Variants in ZNF738 observed in about 807,000 individuals in gnomAD.
The protein encoded by ZNF738 is protein ZNF738.
ZNF738 carries 10 observed loss-of-function variants against 9.2 expected under a neutral mutation model. The observed-to-expected ratio is 1.09, with a 90% CI of 0.67 to 1.85. ZNF738 has a LOEUF of 1.85. ZNF738 is among the 40% of genes most tolerant of loss of function. The pLI is 0.00. For missense variants in ZNF738, 346 were observed against 283.6 expected, an observed-to-expected ratio of 1.22 and a Z score of -1.58; for synonymous variants, 113 against 94.5, an observed-to-expected ratio of 1.20 and a Z score of -1.14.
chr19:21,372,442 G>A (rs1568368591), intron 2 of ZNF738: 1 of 152,086 alleles, frequency 6.6e-6, no homozygotes, highest in African/African-American at 2.4e-5. Context: ...AAGTTTTTGG[G>A]GGTAAATCCT....
intron 2 of ZNF738, among the ~76,000 whole-genome samples, chr19:21,363,237 AT>A (rs1213414781): frequency 6.6e-6 from 1 of 152,134 alleles, no homozygotes; most frequent in African/African-American, 2.4e-5. Flanking sequence ...TGTTTGAGTA[AT>A]TTTTTTGGAT....
chr19:21,383,480 G>A lies in ZNF738; in HGVS notation c.934G>A (p.Gly312Arg). ...TACTAAACATAAGACAATTCATGCT[G>A]GAGAGAAACCCTACAAATGTGAAGG... ...HLTKHKTIHA[G>R]EKPYKCEGCG... Residue 312 changes from glycine (G) to arginine (R), a missense_variant, in exon 5 of 5, where the codon GGA becomes AGA. Physicochemically the swap from Gly to Arg is moderately radical, Grantham distance 125. Transcript: ENST00000683779. 2.5e-6 allele frequency: 2 copies of A among 794,176 alleles called. No homozygotes were observed. Among genetic ancestry groups the A allele is most frequent in the Non-Finnish European group, 4.4e-6 (2 of 455,706 alleles). 49.2% of individuals were successfully genotyped at this position (794,176 alleles called of 1,614,324 possible).
rs940477950 is a variant in ZNF738, at chr19:21,383,837, A to G, written c.*163A>G. 55 of 1,316,504 alleles carry G rather than the reference A, an allele frequency of 4.2e-5. No individual in the cohort carries two copies. Among genetic ancestry groups the G allele is most frequent in the Non-Finnish European group, 5.5e-5 (50 of 916,446 alleles). 81.6% of individuals were successfully genotyped at this position (1,316,504 alleles called of 1,614,324 possible). A position where few individuals can be genotyped will look rare whatever the true frequency, so the allele number is the denominator to read the frequency against. On this transcript the variant is annotated 3_prime_UTR_variant, in exon 5 of 5. Coordinates refer to ENST00000683779, the MANE Select transcript of ZNF738 (RefSeq NM_001355237.2). The stretch of plus-strand genomic sequence containing the variant: ...CTGGAGAGAAACCCTACAAATGTGG[A>G]GAATGTGGCAAAGCTTTCTTCAGAT...
At position 21,375,265 on chromosome 19, in the gene ZNF738, A is replaced by T; in HGVS notation, c.124A>T (p.Ile42Leu). 1 of 1,155,880 alleles carries T rather than the reference A, an allele frequency of 8.7e-7. No individual in the cohort carries two copies. The highest frequency in any genetic ancestry group is 1.3e-6 in the Non-Finnish European group (1 of 763,830). 71.6% of individuals were successfully genotyped at this position (1,155,880 alleles called of 1,614,324 possible). ...KGPLTFRDVV[I>L]EFSQEEWQCL... ...GCCGTTGACATTTAGGGATGTGGTC[A>T]TAGAATTCTCTCAGGAGGAGTGGCA... The change falls in exon 3 of 5, where the codon ATA becomes TTA. Residue 42 changes from isoleucine (I) to leucine (L), a missense_variant. Coordinates refer to ENST00000683779, the MANE Select transcript of ZNF738 (RefSeq NM_001355237.2).
At chr19:21,366,072 C>T (rs1973773413) in intron 2 of ZNF738, among the ~76,000 whole-genome samples, 1 of 152,084 alleles carries the variant, frequency 6.6e-6, no homozygotes, top group Admixed American at 6.5e-5. Flanking sequence ...GCAAAAGGGT[C>T]GTTTCCAGAA....
At chr19:21,371,652 A>T (rs1973858427) in intron 2 of ZNF738, among the ~76,000 whole-genome samples, 1 of 152,200 alleles carries the variant, frequency 6.6e-6, no homozygotes. Flanking sequence ...GGTTGAATTA[A>T]GCATTATATG....
intron 2 of ZNF738, among the ~76,000 whole-genome samples, chr19:21,374,395 A>G (rs527559416): frequency 6.6e-6 from 1 of 152,336 alleles, no homozygotes; most frequent in African/African-American, 2.4e-5. Context: ...AATTCAGACT[A>G]TACTTTTTGG....
intron 4 of ZNF738, chr19:21,381,953 C>G (rs1215748794): frequency 1.8e-5 from 4 of 221,692 alleles, no homozygotes; most frequent in Non-Finnish European, 3.9e-5. Context: ...GTGCCTCAGG[C>G]CAGAGCTCGG....
intron 2 of ZNF738, among the ~76,000 whole-genome samples, chr19:21,364,972 A>G (rs1179742880): frequency 3.0e-5 from 4 of 133,006 alleles, no homozygotes; most frequent in Non-Finnish European, 1.6e-5. Context: ...GATGGCCAGG[A>G]TGGTCTCCAT....
intron 2 of ZNF738, among the ~76,000 whole-genome samples, chr19:21,364,612 A>G (rs1461851608): frequency 6.6e-6 from 1 of 152,178 alleles, no homozygotes; most frequent in Non-Finnish European, 1.5e-5. Context: ...CATTCTAGAA[A>G]AGAATTCTGG....
At chr19:21,378,701 G>A (rs764429821) in intron 4 of ZNF738, 4 of 375,666 alleles carry the variant, frequency 1.1e-5, no homozygotes, top group Middle Eastern at 5.4e-4. Flanking sequence ...CCAGGTTCAA[G>A]CAGTTCTCCT....
intron 2 of ZNF738, among the ~76,000 whole-genome samples, chr19:21,370,915 C>A (rs1973847318): frequency 6.6e-6 from 1 of 152,166 alleles, no homozygotes; most frequent in African/African-American, 2.4e-5. Context: ...AAGGCATTTT[C>A]TGTATTGTGA....
rs58485009 is a variant in ZNF738, at chr19:21,367,171, C to G, written c.96+5313C>G. Among the ~76,000 whole-genome samples the G allele has an allele frequency of 5.6e-3, 857 of 152,278 alleles. 6 individuals are homozygous for G. Among genetic ancestry groups the G allele is most frequent in the African/African-American group, 0.02 (816 of 41,558 alleles). ...GGATGAAGAATTTTATTAATCACAG[C>G]TATTTACTAGGGTTATGTATGTGTT... On this transcript the variant is annotated intron_variant, in intron 2 of 4. Transcript: ENST00000683779.
rs532714358 is a variant in ZNF738 at position 21,378,033 on chromosome 19, G to C, written c.319+2069G>C. 33 of 397,326 alleles carry C rather than the reference G, an allele frequency of 8.3e-5. No homozygotes were observed. In the South Asian group the frequency reaches 3.8e-3, roughly 46 times the overall value. 24.6% of individuals were successfully genotyped at this position (397,326 alleles called of 1,614,324 possible). ...TACAGGCATATTCTTTGTGGTACGT[G>C]GGGGATTACATAAAACCTTTAAGAG... On this transcript the variant is annotated intron_variant, in intron 4 of 4. Coordinates refer to ENST00000683779, the MANE Select transcript of ZNF738 (RefSeq NM_001355237.2).
intron 4 of ZNF738, chr19:21,379,261 T>G (rs1973977983): frequency 6.6e-6 from 1 of 152,178 alleles, no homozygotes; most frequent in Non-Finnish European, 1.5e-5. Flanking sequence ...TACATTGCCC[T>G]GTTTTGTATA....
At chr19:21,367,639 A>G (rs7245920) in intron 2 of ZNF738, among the ~76,000 whole-genome samples, 85,964 of 151,914 alleles carry the variant, frequency 0.57, 24,612 homozygotes, top group Middle Eastern at 0.69. Context: ...CTGTACACAG[A>G]CTGTCATACT....
chr19:21,367,732 C>G (rs949056979), intron 2 of ZNF738, among the ~76,000 whole-genome samples: 2 of 152,120 alleles, frequency 1.3e-5, no homozygotes, highest in African/African-American at 4.8e-5. Context: ...GACAGACCCT[C>G]TGTCTCACAG....
intron 4 of ZNF738, among the ~76,000 whole-genome samples, chr19:21,380,914 CTG>C (rs966369540): frequency 2.0e-5 from 3 of 152,114 alleles, no homozygotes; most frequent in East Asian, 1.9e-4. Context: ...GGAGGGCACA[CTG>C]TTCAGGAAAT....
intron 4 of ZNF738, chr19:21,378,131 C>A: frequency 2.5e-6 from 1 of 394,484 alleles, no homozygotes; most frequent in South Asian, 1.3e-4. Flanking sequence ...TACATATGTT[C>A]TCAGATTTGT....
Sources: allele counts gnomAD v4.1 joint callset (sites outside exome capture counted in the v4.1 genomes callset), GRCh38; gene constraint gnomAD v4.1.1; transcripts MANE v1.5; gene names NCBI Gene and HGNC (gene_info 2026-07-23, HGNC 2026-07-21).